The following RBFOX1 variants were observed in gnomAD, a reference collection of about 807,000 sequenced individuals.
RBFOX1 encodes the protein RNA binding fox-1 homolog 1, also known as RNA binding protein fox-1 homolog 1.
In RBFOX1, 8 loss-of-function variants were observed where a neutral mutation model predicts 57.7. That is an observed-to-expected ratio of 0.14 (90% CI 0.08 to 0.25). RBFOX1 has a LOEUF of 0.25. RBFOX1 is among the 10% of genes least tolerant of loss of function. RBFOX1 has a pLI of 1.00. For synonymous variants in RBFOX1, 326 were observed against 222.4 expected (o/e 1.47, Z -4.15); for missense variants, 611 against 548.5 (o/e 1.11, Z -1.14).
intron 3 of RBFOX1, among the ~76,000 whole-genome samples, chr16:6,816,750 A>G (rs992409555): frequency 1.3e-5 from 2 of 151,504 alleles, no homozygotes; most frequent in African/African-American, 4.8e-5. Flanking sequence ...AAAAAAAAAA[A>G]AAAGGAAGAA....
At chr16:6,938,886 T>G (rs1044560648) in intron 3 of RBFOX1, among the ~76,000 whole-genome samples, 1 of 152,100 alleles carries the variant, frequency 6.6e-6, no homozygotes, top group Non-Finnish European at 1.5e-5. Context: ...GAGCCGAGAT[T>G]GCACCACTGC....
At chr16:7,632,954 G>C (rs1299419996) in intron 11 of RBFOX1, among the ~76,000 whole-genome samples, 1 of 152,124 alleles carries the variant, frequency 6.6e-6, no homozygotes, top group South Asian at 2.1e-4. Context: ...AAAGTGAATT[G>C]GGGAAGCATC....
At chr16:6,622,911 A>C (rs2098253513) in intron 2 of RBFOX1, among the ~76,000 whole-genome samples, 1 of 152,242 alleles carries the variant, frequency 6.6e-6, no homozygotes, top group Non-Finnish European at 1.5e-5. Flanking sequence ...ATGCCCCCTC[A>C]GAATGCTAGT....
chr16:5,910,287 C>T (rs1307806076), intron 4 of RBFOX1, among the ~76,000 whole-genome samples: 1 of 152,074 alleles, frequency 6.6e-6, no homozygotes, highest in Non-Finnish European at 1.5e-5. Flanking sequence ...TTTCACATAG[C>T]ATCACACAGA....
intron 1 of RBFOX1, among the ~76,000 whole-genome samples, chr16:6,147,549 G>C (rs1431621146): frequency 6.6e-6 from 1 of 152,072 alleles, no homozygotes; most frequent in Admixed American, 6.5e-5. Context: ...CCCAATAGGA[G>C]CTACCTCAAA....
chr16:7,202,117 C>T (rs913322737), intron 4 of RBFOX1, among the ~76,000 whole-genome samples: 6 of 151,762 alleles, frequency 4.0e-5, no homozygotes, highest in Non-Finnish European at 7.3e-5. Context: ...ACAACAACCA[C>T]AGCAATATAA....
At position 7,550,718 on chromosome 16, in the gene RBFOX1, T is replaced by G. The variant is rs374623171; in HGVS notation, c.271-29059T>G. Among the ~76,000 whole-genome samples the G allele has an allele frequency of 2.2e-3, 330 of 152,292 alleles. 3 individuals carry two copies. The highest frequency in any genetic ancestry group is 7.6e-3 in the African/African-American group (314 of 41,564). On this transcript the variant is annotated intron_variant, in intron 5 of 15. Coordinates refer to ENST00000550418, the MANE Select transcript of RBFOX1 (RefSeq NM_018723.4). ...GTCTCTGGACTCACTGGAGGGCACC[T>G]ACAGTGAGTTTTCAGACACTGCCCT...
At chr16:6,739,960 C>G (rs1235719964) in intron 3 of RBFOX1, among the ~76,000 whole-genome samples, 1 of 151,988 alleles carries the variant, frequency 6.6e-6, no homozygotes, top group Admixed American at 6.6e-5. Flanking sequence ...AAGAAAGTAA[C>G]AAAAGAAACA....
chr16:6,918,996 T>C lies in RBFOX1; in HGVS notation c.-15-133061T>C, dbSNP rs116265261. Among the ~76,000 whole-genome samples, 667 of 152,256 alleles carry C rather than the reference T, an allele frequency of 4.4e-3. 6 individuals are homozygous for C. Among genetic ancestry groups the C allele is most frequent in the African/African-American group, 0.015 (630 of 41,538 alleles). On this transcript the variant is annotated intron_variant, in intron 3 of 15. Coordinates refer to ENST00000550418, the MANE Select transcript of RBFOX1 (RefSeq NM_018723.4). ...AGCTAATGATTTTTGTTTGTTTGTTTTTGAGGCAGAGTGTTGCTCATTCAT... is the reference window on the plus strand; with the variant it reads ...AGCTAATGATTTTTGTTTGTTTGTTCTTGAGGCAGAGTGTTGCTCATTCAT...
chr16:5,371,763 CTGCACCTTGGCCCTGGGT>C (rs1446430871), intron 1 of RBFOX1, among the ~76,000 whole-genome samples: 4 of 152,068 alleles, frequency 2.6e-5, no homozygotes, highest in Middle Eastern at 3.4e-3. Flanking sequence ...GGTCCCTGGG[CTGCACCTTGGCCCTGGGT>C]TGCACCTTGG....
intron 1 of RBFOX1, among the ~76,000 whole-genome samples, chr16:6,281,141 A>G (rs1289776098): frequency 1.3e-5 from 2 of 151,982 alleles, no homozygotes; most frequent in Non-Finnish European, 2.9e-5. Context: ...ACATGTATTG[A>G]GCAGATGGTG....
intron 4 of RBFOX1, among the ~76,000 whole-genome samples, chr16:7,279,307 G>A (rs994448221): frequency 5.3e-5 from 8 of 152,124 alleles, no homozygotes; most frequent in African/African-American, 1.9e-4. Flanking sequence ...AAGCTGAAAT[G>A]CGGATTTCTC....
At chr16:5,675,794 A>G (rs2050150200) in intron 3 of RBFOX1, among the ~76,000 whole-genome samples, 1 of 152,060 alleles carries the variant, frequency 6.6e-6, no homozygotes, top group Non-Finnish European at 1.5e-5. Flanking sequence ...GCTCCTCTCC[A>G]TTCTCCTCTG....
rs190586313 is a variant in RBFOX1, at chr16:7,516,389, A to T, written c.28-1758A>T. Among the ~76,000 whole-genome samples, 5 of 152,160 alleles carry T rather than the reference A, an allele frequency of 3.3e-5. No homozygotes were observed. In the East Asian group the frequency reaches 9.7e-4, roughly 29 times the overall value. On this transcript the variant is annotated intron_variant, in intron 4 of 15. Coordinates refer to ENST00000550418, the MANE Select transcript of RBFOX1 (RefSeq NM_018723.4). ...ATGTCCTATGGCTCATCTCGTAGCG[A>T]CTGGGAGCTGGGTTCAACTGTATCT...
chr16:7,301,879 G>A (rs2096043895), intron 4 of RBFOX1, among the ~76,000 whole-genome samples: 1 of 152,114 alleles, frequency 6.6e-6, no homozygotes, highest in Non-Finnish European at 1.5e-5. Flanking sequence ...CGTGTTCTGT[G>A]GAGTGACTTT....
At chr16:6,695,990 C>G (rs1434291445) in intron 3 of RBFOX1, among the ~76,000 whole-genome samples, 2 of 152,164 alleles carry the variant, frequency 1.3e-5, no homozygotes, top group Non-Finnish European at 2.9e-5. Flanking sequence ...GACATACACA[C>G]ACTGATCTGA....
intron 1 of RBFOX1, among the ~76,000 whole-genome samples, chr16:5,331,970 G>C (rs1320957776): frequency 1.3e-5 from 2 of 152,176 alleles, no homozygotes; most frequent in African/African-American, 4.8e-5. Context: ...AAGACAGAAG[G>C]GGTTTTCGAA....
intron 4 of RBFOX1, among the ~76,000 whole-genome samples, chr16:7,081,744 T>C (rs2059234776): frequency 2.0e-5 from 3 of 152,358 alleles, no homozygotes; most frequent in African/African-American, 7.2e-5. Context: ...TTTAAAATTA[T>C]ACTGATCACC....
chr16:7,067,246 C>G lies in RBFOX1; in HGVS notation c.27+15148C>G, dbSNP rs148485663. Among the ~76,000 whole-genome samples the G allele has an allele frequency of 2.2e-3, 332 of 152,212 alleles. 2 individuals are homozygous for G. Among genetic ancestry groups the G allele is most frequent in the African/African-American group, 7.8e-3 (326 of 41,548 alleles). Reference sequence around the variant, plus strand: ...TTCCAGGCAGCCGAAATTATTAGTTCAGAGTTGGTACTCATGTTGAAATCT... The same window carrying G: ...TTCCAGGCAGCCGAAATTATTAGTTGAGAGTTGGTACTCATGTTGAAATCT... On this transcript the variant is annotated intron_variant, in intron 4 of 15. Transcript: ENST00000550418.
Sources: allele counts gnomAD v4.1 joint callset (sites outside exome capture counted in the v4.1 genomes callset), GRCh38; gene constraint gnomAD v4.1.1; transcripts MANE v1.5; gene names NCBI Gene and HGNC (gene_info 2026-07-23, HGNC 2026-07-21).